KIAA1755: variants seen among roughly 807,000 people sequenced by gnomAD.
KIAA1755 encodes the protein uncharacterized protein KIAA1755.
Under a neutral mutation model 91.7 loss-of-function variants are expected in KIAA1755, and 68 were observed. The ratio of observed to expected loss-of-function variants is 0.74; its 90% confidence interval spans 0.61 to 0.91. The LOEUF is 0.91. Among genes scored for constraint, KIAA1755 ranks in the 40% least tolerant of loss-of-function variants. The pLI is 0.00. For synonymous variants in KIAA1755, 610 were observed against 604.6 expected, an observed-to-expected ratio of 1.01 and a Z score of -0.13; for missense variants, 1,535 against 1,494.4, an observed-to-expected ratio of 1.03 and a Z score of -0.45.
chr20:38,238,236 G>T (rs1480698231), intron 4 of KIAA1755, among the ~76,000 whole-genome samples: 1 of 152,158 alleles, frequency 6.6e-6, no homozygotes, highest in East Asian at 1.9e-4. Flanking sequence ...GATCCTTTGT[G>T]TACAATTAAT....
Position 38,222,660 on chromosome 20 carries a change from C to T in KIAA1755, c.2269-63G>A, listed in dbSNP as rs777196842. Reference sequence around the variant, plus strand: ...ACTCTCCCTCTGCAACCTTCCAAGGCTCCCCACACCCAGATCAAGTCCAAC... The same window carrying T: ...ACTCTCCCTCTGCAACCTTCCAAGGTTCCCCACACCCAGATCAAGTCCAAC... On this transcript the variant is annotated intron_variant, in intron 9 of 13. Coordinates refer to ENST00000279024, the MANE Select transcript of KIAA1755 (RefSeq NM_001029864.2). 6.5e-6 allele frequency: 10 copies of T among 1,543,258 alleles called. No individual in the cohort carries two copies. In the African/African-American group the frequency reaches 1.4e-4, roughly 21 times the overall value.
intron 4 of KIAA1755, among the ~76,000 whole-genome samples, chr20:38,232,856 G>A (rs893016761): frequency 1.3e-5 from 2 of 152,112 alleles, no homozygotes; most frequent in Admixed American, 1.3e-4. Flanking sequence ...AGTGGCTCAT[G>A]CCTGTAATCC....
intron 4 of KIAA1755, among the ~76,000 whole-genome samples, chr20:38,236,321 A>G (rs1364229895): frequency 2.0e-5 from 3 of 152,224 alleles, no homozygotes; most frequent in Admixed American, 6.5e-5. Flanking sequence ...AGCTGGATGG[A>G]TAAGTCTGGA....
rs149499443 is a variant in KIAA1755, at chr20:38,241,004, A to G, written c.1127T>C (p.Val376Ala). 1,075 of 1,614,164 alleles carry G rather than the reference A, an allele frequency of 6.7e-4. 8 individuals carry two copies. The African/African-American group carries it at 0.012, about 18-fold the overall frequency. The change falls in exon 3 of 14, where the codon GTC (valine) becomes GCC (alanine). Residue 376 changes from valine to alanine, a missense_variant. Coordinates refer to ENST00000279024, the MANE Select transcript of KIAA1755 (RefSeq NM_001029864.2). ...ERPPQGSYMN[V>A]LEDALDCASG... ...GGCACAGTCCAGTGCGTCCTCAAGG[A>G]CATTCATGTAGGAGCCTTGGGGCGG...
intron 5 of KIAA1755, 141 bp downstream of exon 5, chr20:38,231,061 G>C: frequency 1.1e-6 from 1 of 893,104 alleles, no homozygotes; most frequent in Admixed American, 3.3e-5. Flanking sequence ...GCTTTCCCCC[G>C]GCATCTGTCT....
At chr20:38,249,128 G>A (rs1026593700) in intron 1 of KIAA1755, among the ~76,000 whole-genome samples, 13 of 152,086 alleles carry the variant, frequency 8.5e-5, no homozygotes, top group Admixed American at 3.3e-4. Context: ...CACCCGTCTC[G>A]CCTTCCCAAA....
chr20:38,242,010 G>T, intron 2 of KIAA1755, 81 bp from the exon 3 acceptor site: 2 of 1,407,220 alleles, frequency 1.4e-6, no homozygotes, highest in South Asian at 2.6e-5. Flanking sequence ...CCTCTCCCAC[G>T]TGGAATCTGG....
intron 9 of KIAA1755, chr20:38,222,890 T>C: frequency 6.0e-6 from 3 of 497,712 alleles, no homozygotes; most frequent in Non-Finnish European, 1.1e-5. Flanking sequence ...ACATGGCAGT[T>C]GAACGGATCT....
intron 4 of KIAA1755, among the ~76,000 whole-genome samples, chr20:38,232,214 C>T (rs551280719): frequency 4.8e-4 from 73 of 152,360 alleles, no homozygotes; most frequent in African/African-American, 1.7e-3. Flanking sequence ...AAACCCTTCA[C>T]AGCTCACGAA....
rs61998174 is a variant in KIAA1755 at position 38,245,949 on chromosome 20, G to T, written c.181C>A (p.Gln61Lys). Reference protein sequence around the residue: ...FLIPAKRLCEQVREAACAPYS... With the variant: ...FLIPAKRLCEKVREAACAPYS... ...CTTACACAGGCTGCTTCTCGCACTT[G>T]CTCACACAGGCGCTTGGCAGGGATC... is the stretch of plus-strand genomic sequence containing the variant. The change falls in exon 2 of 14, where the codon CAA becomes AAA. Residue 61 changes from glutamine to lysine, a missense_variant. By Grantham distance (53) the Gln-to-Lys change is moderately conservative (BLOSUM62 1). Transcript: ENST00000279024. The T allele has an allele frequency of 1.8e-5, 29 of 1,613,988 alleles. No homozygotes were observed. In the African/African-American group the frequency reaches 3.7e-4, roughly 21 times the overall value.
intron 1 of KIAA1755, among the ~76,000 whole-genome samples, chr20:38,256,957 A>G (rs1003678295): frequency 1.3e-5 from 2 of 152,202 alleles, no homozygotes; most frequent in Admixed American, 6.5e-5. Flanking sequence ...TGGATGCCAC[A>G]TCTTGGAAAG....
In KIAA1755 at chr20:38,212,450, T is replaced by A. The variant is rs1216915555; in HGVS notation, c.*592A>T. 6.6e-6 allele frequency: 1 copy of A among 152,168 alleles called. No individual in the cohort carries two copies. Among genetic ancestry groups the A allele is most frequent in the Non-Finnish European group, 1.5e-5 (1 of 68,060 alleles). The allele number at this position is 152,168 out of a possible 1,614,324, so 9.4% of individuals were successfully genotyped here. A position where few individuals can be genotyped will look rare whatever the true frequency, so the allele number is the denominator to read the frequency against. On this transcript the variant is annotated 3_prime_UTR_variant, in exon 14 of 14. Transcript: ENST00000279024. ...TCTAAACATAAAATACAATGAAGTT[T>A]TAAAAATTAAAAAAAAGAAAATTTG...
At chr20:38,251,228 A>G (rs1779416552) in intron 1 of KIAA1755, among the ~76,000 whole-genome samples, 1 of 152,162 alleles carries the variant, frequency 6.6e-6, no homozygotes, top group Non-Finnish European at 1.5e-5. Flanking sequence ...CTTTCTCCCA[A>G]ATGCATCAGA....
intron 7 of KIAA1755, 62 bp downstream of exon 7, chr20:38,227,092 C>T (rs1404863260): frequency 1.6e-6 from 2 of 1,285,200 alleles, no homozygotes; most frequent in Non-Finnish European, 2.2e-6. Context: ...CTCTCCTTAA[C>T]CCCAGCTCAG....
chr20:38,224,574 T>G (rs907771944), intron 8 of KIAA1755, among the ~76,000 whole-genome samples: 2 of 152,206 alleles, frequency 1.3e-5, no homozygotes, highest in Non-Finnish European at 2.9e-5. Flanking sequence ...GTCAGGAGAC[T>G]TTTTTAATTG....
chr20:38,221,786 A>C lies in KIAA1755; in HGVS notation c.2417+663T>G, dbSNP rs147202971. Among the ~76,000 whole-genome samples, 154 of 152,312 alleles carry C rather than the reference A, an allele frequency of 1.0e-3. 1 individual carries two copies. The highest frequency in any genetic ancestry group is 1.7e-3 in the Non-Finnish European group (119 of 68,024). On this transcript the variant is annotated intron_variant, in intron 10 of 13. Transcript: ENST00000279024. Reference sequence around the variant, plus strand: ...TGAATATAAGTAGCTGTGTTCTAAGAGGGTGAAAATACTTGCAATTACTGA... The same window carrying C: ...TGAATATAAGTAGCTGTGTTCTAAGCGGGTGAAAATACTTGCAATTACTGA...
At chr20:38,220,150 T>C (rs1568735246) in intron 10 of KIAA1755, among the ~76,000 whole-genome samples, 1 of 152,204 alleles carries the variant, frequency 6.6e-6, no homozygotes, top group African/African-American at 2.4e-5. Context: ...CTTCATAGCA[T>C]GGTTGTAAGG....
chr20:38,218,032 G>T lies in KIAA1755; in HGVS notation c.2679+212C>A, dbSNP rs572315607. ...CTGCATTTTAAGAAACCCTCTGGGGGATTCAGAATATTCTTTGGGCTTGGC... is the reference window on the plus strand; with the variant it reads ...CTGCATTTTAAGAAACCCTCTGGGGTATTCAGAATATTCTTTGGGCTTGGC... On this transcript the variant is annotated intron_variant, in intron 12 of 13. Coordinates refer to ENST00000279024, the MANE Select transcript of KIAA1755 (RefSeq NM_001029864.2). 2.8e-4 allele frequency: 177 copies of T among 621,986 alleles called. No individual in the cohort carries two copies. The South Asian group carries it at 3.4e-3, about 12-fold the overall frequency. 38.5% of individuals were successfully genotyped at this position (621,986 alleles called of 1,614,324 possible).
chr20:38,239,654 A>G lies in KIAA1755; in HGVS notation c.1621T>C (p.Leu541=). Residue 541 remains leucine, a synonymous_variant, in exon 4 of 14, where the codon TTG becomes CTG. Coordinates refer to ENST00000279024, the MANE Select transcript of KIAA1755 (RefSeq NM_001029864.2). ...PSPLTEEKAA[L]PEASAGSPER... ...GGGGAGCCTGCAGAAGCTTCTGGCA[A>G]GGCAGCCTTTTCCTCAGTCAGTGGG... 1 of 1,607,358 alleles carries G rather than the reference A, an allele frequency of 6.2e-7. No individual in the cohort carries two copies. Among genetic ancestry groups the G allele is most frequent in the Non-Finnish European group, 8.5e-7 (1 of 1,177,554 alleles).
Sources: gnomAD v4.1 joint callset for allele counts (sites outside exome capture counted in the v4.1 genomes callset) on GRCh38, gnomAD v4.1.1 for gene constraint, MANE v1.5 for transcripts, NCBI Gene and HGNC (gene_info 2026-07-23, HGNC 2026-07-21) for gene names.